MSI2: variants seen among roughly 807,000 people sequenced by gnomAD.
MSI2 encodes RNA-binding protein Musashi homolog 2.
In MSI2, 17 loss-of-function variants were observed where a neutral mutation model predicts 45.6. The ratio of observed to expected loss-of-function variants is 0.37; its 90% CI spans 0.26 to 0.56. The LOEUF (loss-of-function observed/expected upper bound fraction) is 0.56, where lower values mean the gene tolerates loss of function less well. MSI2 is among the 20% of genes least tolerant of loss of function. MSI2 has a pLI of 0.77. For synonymous variants in MSI2, 156 were observed against 158.2 expected, an observed-to-expected ratio of 0.99 and a Z score of 0.11; for missense variants, 293 against 444.2, an observed-to-expected ratio of 0.66 and a Z score of 3.06.
intron 5 of MSI2, among the ~76,000 whole-genome samples, chr17:57,379,580 G>C (rs1178243122): frequency 1.3e-5 from 2 of 151,218 alleles, no homozygotes; most frequent in Admixed American, 1.3e-4. Flanking sequence ...GTCAGCTGTC[G>C]GCCATCAGGA....
At chr17:57,603,600 G>A (rs142152781) in intron 8 of MSI2, among the ~76,000 whole-genome samples, 73 of 152,336 alleles carry the variant, frequency 4.8e-4, no homozygotes, top group African/African-American at 1.6e-3. Flanking sequence ...ATAACTTCAC[G>A]TTTCCCCCAC....
intron 5 of MSI2, among the ~76,000 whole-genome samples, chr17:57,283,466 T>C (rs1007232306): frequency 6.6e-6 from 1 of 152,196 alleles, no homozygotes; most frequent in East Asian, 1.9e-4. Context: ...TTTGGGCTCC[T>C]GATCCATTAT....
chr17:57,410,055 G>A (rs934241858), intron 6 of MSI2, among the ~76,000 whole-genome samples: 3 of 147,470 alleles, frequency 2.0e-5, no homozygotes, highest in African/African-American at 7.5e-5. Flanking sequence ...TGCACCACAG[G>A]CCAACTTAAT....
At chr17:57,638,726 CAAAATATTTAA>C (rs61039157) in intron 10 of MSI2, among the ~76,000 whole-genome samples, 63,935 of 151,296 alleles carry the variant, frequency 0.42, 14,034 homozygotes, top group Non-Finnish European at 0.48. Flanking sequence ...TCTGTCTCAA[CAAAATATTTAA>C]AAAATATTTA....
intron 8 of MSI2, among the ~76,000 whole-genome samples, chr17:57,612,551 G>GA: frequency 3.5e-5 from 1 of 28,330 alleles, no homozygotes; most frequent in Non-Finnish European, 1.1e-4. Context: ...CATGGCCCCT[G>GA]GCCTTGGGGA....
In MSI2 at chr17:57,544,562, T is replaced by C. The variant is rs1418346679; in HGVS notation, c.454+14838T>C. Among the ~76,000 whole-genome samples the C allele has an allele frequency of 3.3e-5, 5 of 152,158 alleles. No individual in the cohort carries two copies. In the East Asian group the frequency reaches 7.7e-4, roughly 23 times the overall value. On this transcript the variant is annotated intron_variant, in intron 7 of 13. Transcript: ENST00000284073. ...GGGAAGAGGAGAGCAGCTGGGGTTG[T>C]GTTATTAGTCATTCCATGAAGAGAT...
intron 6 of MSI2, chr17:57,449,997 G>C (rs1366602581): frequency 6.6e-6 from 1 of 152,326 alleles, no homozygotes; most frequent in East Asian, 1.9e-4. Flanking sequence ...CTGCACTCTA[G>C]CCTGGCAACA....
intron 6 of MSI2, among the ~76,000 whole-genome samples, chr17:57,402,391 T>C (rs1598220383): frequency 6.6e-6 from 1 of 152,206 alleles, no homozygotes; most frequent in East Asian, 1.9e-4. Flanking sequence ...AGTCTCCTCC[T>C]GACAGGTTTG....
intron 5 of MSI2, among the ~76,000 whole-genome samples, chr17:57,371,418 T>G (rs2083418092): frequency 1.3e-5 from 2 of 151,650 alleles, no homozygotes; most frequent in Admixed American, 1.3e-4. Flanking sequence ...CTGCAAGAAC[T>G]AAGTAAAAAT....
intron 7 of MSI2, among the ~76,000 whole-genome samples, chr17:57,542,988 G>C (rs749768203): frequency 6.6e-6 from 1 of 152,172 alleles, no homozygotes; most frequent in Non-Finnish European, 1.5e-5. Flanking sequence ...TGTCCCCTTT[G>C]CCCAGCAAAT....
At chr17:57,371,262 G>A (rs947170475) in intron 5 of MSI2, among the ~76,000 whole-genome samples, 10 of 152,120 alleles carry the variant, frequency 6.6e-5, no homozygotes, top group Non-Finnish European at 8.8e-5. Flanking sequence ...GTAAAATTAC[G>A]AGATTGGTCT....
At chr17:57,296,995 C>G (rs904043995) in intron 5 of MSI2, among the ~76,000 whole-genome samples, 1 of 152,168 alleles carries the variant, frequency 6.6e-6, no homozygotes, top group East Asian at 1.9e-4. Flanking sequence ...CTGCCTCAGC[C>G]TCCTGGGTAG....
the MSI2 span, among the ~76,000 whole-genome samples, chr17:57,701,205 G>A: frequency 1.3e-5 from 2 of 152,170 alleles, no homozygotes; most frequent in African/African-American, 4.8e-5. Flanking sequence ...CATGAAGTGG[G>A]AATAATGACA....
intron 11 of MSI2, among the ~76,000 whole-genome samples, chr17:57,671,900 C>A (rs1372584910): frequency 6.6e-6 from 1 of 152,176 alleles, no homozygotes; most frequent in Admixed American, 6.5e-5. Context: ...CTTTAACATG[C>A]TTTCTGGAGC....
At chr17:57,638,826 G>A (rs750141759) in intron 10 of MSI2, among the ~76,000 whole-genome samples, 37 of 152,284 alleles carry the variant, frequency 2.4e-4, no homozygotes, top group Non-Finnish European at 4.3e-4. Context: ...CACTTGACCC[G>A]AGAAGTTCAG....
intron 10 of MSI2, among the ~76,000 whole-genome samples, chr17:57,642,413 G>C (rs1160106155): frequency 3.3e-5 from 5 of 152,204 alleles, no homozygotes; most frequent in Non-Finnish European, 7.3e-5. Context: ...ATTTGGTGTA[G>C]CCACGCCCAG....
At position 57,454,219 on chromosome 17, in the gene MSI2, G is replaced by C. The variant is rs527288883; in HGVS notation, c.405+52748G>C. ...GGAGTGATGATTAATAGTGCCTTTG[G>C]CAGCCCCCAAAACCACCAGGAACTG... On this transcript the variant is annotated intron_variant, in intron 6 of 13. Coordinates refer to ENST00000284073, the MANE Select transcript of MSI2 (RefSeq NM_138962.4). 4.8e-4 allele frequency among the ~76,000 whole-genome samples: 73 copies of C among 152,256 alleles called. No individual in the cohort carries two copies. The South Asian group carries it at 0.011, about 24-fold the overall frequency.
intron 8 of MSI2, among the ~76,000 whole-genome samples, chr17:57,609,847 C>T (rs899991916): frequency 1.8e-4 from 27 of 152,168 alleles, no homozygotes; most frequent in African/African-American, 5.3e-4. Flanking sequence ...GAGGGTGTAA[C>T]GCAGGGCCAC....
intron 7 of MSI2, among the ~76,000 whole-genome samples, chr17:57,543,938 A>G (rs1476960476): frequency 6.6e-6 from 1 of 152,238 alleles, no homozygotes; most frequent in Non-Finnish European, 1.5e-5. Context: ...GTTTTTATTT[A>G]TTATGAATTT....
Sources: gnomAD v4.1 joint callset for allele counts (sites outside exome capture counted in the v4.1 genomes callset) on GRCh38, gnomAD v4.1.1 for gene constraint, MANE v1.5 for transcripts, NCBI Gene and HGNC (gene_info 2026-07-23, HGNC 2026-07-21) for gene names.